The following ZC3H12B variants were observed in gnomAD, a reference collection of about 807,000 sequenced individuals.
ZC3H12B encodes probable ribonuclease ZC3H12B.
ZC3H12B carries 7 observed loss-of-function variants against 43.9 expected under a neutral mutation model. The ratio of observed to expected loss-of-function variants is 0.16; its 90% CI spans 0.09 to 0.30. The LOEUF is 0.30. Ranked by LOEUF, ZC3H12B falls within the 10% of genes least tolerant of loss-of-function variation. The probability of loss-of-function intolerance (pLI) is 1.00; values close to 1 mark genes in which losing one functional copy is unlikely to be tolerated. For missense variants in ZC3H12B, 475 were observed against 670.2 expected, an observed-to-expected ratio of 0.71 and a Z score of 3.22; for synonymous variants, 222 against 241.7, an observed-to-expected ratio of 0.92 and a Z score of 0.76.
the ZC3H12B span, among the ~76,000 whole-genome samples, chrX:65,293,260 G>A: frequency 1.8e-5 from 2 of 110,542 alleles, no homozygotes; most frequent in Admixed American, 1.9e-4. Context: ...AACAATCACT[G>A]TGGTTCAGTT....
At chrX:65,212,040 G>C in the ZC3H12B span, among the ~76,000 whole-genome samples, 8 of 59,767 alleles carry the variant, frequency 1.3e-4, no homozygotes, top group East Asian at 4.9e-3. Flanking sequence ...TATGTATAAT[G>C]TATAATATAT....
At chrX:65,132,975 G>A in the ZC3H12B span, among the ~76,000 whole-genome samples, 2,046 of 111,362 alleles carry the variant, frequency 0.018, 58 homozygotes, top group African/African-American at 0.064. Context: ...TCTGGGAGTG[G>A]CTGCCGGGTG....
At chrX:65,188,762 C>T in the ZC3H12B span, among the ~76,000 whole-genome samples, 2 of 105,329 alleles carry the variant, frequency 1.9e-5, no homozygotes, top group African/African-American at 6.8e-5. Flanking sequence ...TCATATGCTG[C>T]AGTGTTGCTG....
chrX:65,116,893 C>G, the ZC3H12B span, among the ~76,000 whole-genome samples: 1 of 112,045 alleles, frequency 8.9e-6, no homozygotes, highest in Non-Finnish European at 1.9e-5. Context: ...ACATACTCAT[C>G]CTTTTTTATG....
At chrX:65,472,976 GTATATATATATATATATATATGTA>G (rs1328415838) in intron 3 of ZC3H12B, among the ~76,000 whole-genome samples, 1 of 73,513 alleles carries the variant, frequency 1.4e-5, no homozygotes, top group South Asian at 5.8e-4. Context: ...GTATGTGTGT[GTATATATATATATATATATATGTA>G]TATATATATA....
the ZC3H12B span, among the ~76,000 whole-genome samples, chrX:65,303,936 A>G: frequency 7.1e-5 from 8 of 112,475 alleles, no homozygotes; most frequent in African/African-American, 2.6e-4. Flanking sequence ...GGATTAGAAG[A>G]CTCAATTTTG....
intron 3 of ZC3H12B, among the ~76,000 whole-genome samples, chrX:65,453,806 A>G (rs1163408371): frequency 9.0e-6 from 1 of 111,538 alleles, no homozygotes; most frequent in Non-Finnish European, 1.9e-5. Context: ...TCAGTGAAGT[A>G]ATTCAGTAAT....
intron 2 of ZC3H12B, among the ~76,000 whole-genome samples, chrX:65,395,459 G>A (rs1419969718): frequency 1.8e-5 from 2 of 112,462 alleles, no homozygotes; most frequent in Non-Finnish European, 3.8e-5. Flanking sequence ...CATCTATTGA[G>A]ATAATTATGT....
the ZC3H12B span, among the ~76,000 whole-genome samples, chrX:65,162,403 C>A: frequency 1.8e-5 from 2 of 112,125 alleles, no homozygotes; most frequent in South Asian, 7.4e-4. Flanking sequence ...TTCAGTTACA[C>A]CAATCAGACG....
the ZC3H12B span, among the ~76,000 whole-genome samples, chrX:65,230,200 T>C: frequency 9.0e-6 from 1 of 111,564 alleles, no homozygotes; most frequent in African/African-American, 3.3e-5. Flanking sequence ...GAATACTATG[T>C]AGCCATAAAA....
chrX:65,155,178 G>A, the ZC3H12B span, among the ~76,000 whole-genome samples: 1 of 109,989 alleles, frequency 9.1e-6, no homozygotes, highest in Non-Finnish European at 1.9e-5. Context: ...GACTGGTCTT[G>A]AACTCTTGAA....
At chrX:65,411,179 A>G (rs985547482) in intron 3 of ZC3H12B, among the ~76,000 whole-genome samples, 8 of 112,288 alleles carry the variant, frequency 7.1e-5, no homozygotes, top group African/African-American at 2.6e-4. Flanking sequence ...GGAGATTATT[A>G]TGTTAAGTAA....
At chrX:65,384,382 G>A (rs2066491151) in intron 2 of ZC3H12B, among the ~76,000 whole-genome samples, 1 of 111,100 alleles carries the variant, frequency 9.0e-6, no homozygotes, top group Non-Finnish European at 1.9e-5. Context: ...GGTGTGGGGA[G>A]GGATAGCATT....
chrX:65,147,358 A>T, the ZC3H12B span, among the ~76,000 whole-genome samples: 1 of 111,142 alleles, frequency 9.0e-6, no homozygotes, highest in Non-Finnish European at 1.9e-5. Context: ...GTGGAATTGG[A>T]TCTTGAGCCT....
the ZC3H12B span, among the ~76,000 whole-genome samples, chrX:65,183,152 G>C: frequency 9.0e-6 from 1 of 111,407 alleles, no homozygotes; most frequent in Non-Finnish European, 1.9e-5. Context: ...ATTCACAATA[G>C]CAAAGACATA....
the ZC3H12B span, among the ~76,000 whole-genome samples, chrX:65,212,400 T>G: frequency 3.4e-5 from 2 of 58,091 alleles, no homozygotes; most frequent in Non-Finnish European, 5.6e-5. Flanking sequence ...ATAATTATAT[T>G]TATATTTATA....
At chrX:65,119,758 T>C in the ZC3H12B span, among the ~76,000 whole-genome samples, 1 of 112,085 alleles carries the variant, frequency 8.9e-6, no homozygotes, top group Non-Finnish European at 1.9e-5. Flanking sequence ...TAGGTTTTCT[T>C]CTAGGATTTT....
At chrX:65,376,447 G>C (rs984681454) in intron 2 of ZC3H12B, among the ~76,000 whole-genome samples, 8 of 111,270 alleles carry the variant, frequency 7.2e-5, no homozygotes, top group African/African-American at 2.6e-4. Context: ...CCAGAGAGTG[G>C]TTACAATGGG....
intron 3 of ZC3H12B, among the ~76,000 whole-genome samples, chrX:65,456,830 A>G (rs2148164481): frequency 9.2e-6 from 1 of 109,152 alleles, no homozygotes; most frequent in Non-Finnish European, 1.9e-5. Context: ...GGCCTCCCAA[A>G]GTGCCGAGAT....
Sources: gnomAD v4.1 joint callset for allele counts (sites outside exome capture counted in the v4.1 genomes callset) on GRCh38, gnomAD v4.1.1 for gene constraint, MANE v1.5 for transcripts, NCBI Gene and HGNC (gene_info 2026-07-23, HGNC 2026-07-21) for gene names.